The following ZBTB40 variants were observed in gnomAD, a reference collection of about 807,000 sequenced individuals.
The protein encoded by ZBTB40 is zinc finger and BTB domain containing 40.
In ZBTB40, 60 loss-of-function variants were observed where a neutral mutation model predicts 117.5. The ratio of observed to expected loss-of-function variants is 0.51; its 90% CI spans 0.41 to 0.63. ZBTB40 has a LOEUF of 0.63. Among genes scored for constraint, ZBTB40 ranks in the 30% least tolerant of loss-of-function variants. ZBTB40 has a pLI of 0.00. For synonymous variants in ZBTB40, 525 were observed against 577.1 expected, an observed-to-expected ratio of 0.91 and a Z score of 1.29; for missense variants, 1,287 against 1,498.5, an observed-to-expected ratio of 0.86 and a Z score of 2.33.
intron 13 of ZBTB40, among the ~76,000 whole-genome samples, chr1:22,518,837 C>T (rs964660369): frequency 1.3e-5 from 2 of 152,198 alleles, no homozygotes; most frequent in Admixed American, 6.5e-5. Context: ...TCCTCTTGAC[C>T]TCTTTAATGA....
chr1:22,462,434 A>G (rs1344152043), intron 1 of ZBTB40, among the ~76,000 whole-genome samples: 1 of 152,258 alleles, frequency 6.6e-6, no homozygotes, highest in Non-Finnish European at 1.5e-5. Context: ...GCTTGGCACA[A>G]TACCTGAGAT....
rs1444160434 is a variant in ZBTB40, at chr1:22,490,775, G to A, written c.697+130G>A. ...CAAAATTCAGTGCAGTACCGTACTG[G>A]GCCATTCTTTTAAAAGTGTCTGTGT... is the stretch of plus-strand genomic sequence containing the variant. On this transcript the variant is annotated intron_variant, in intron 2 of 17. Transcript: ENST00000375647. The A allele has an allele frequency of 5.7e-5, 57 of 999,546 alleles. 1 individual carries two copies. In the Admixed American group the frequency reaches 5.8e-4, roughly 10 times the overall value. 61.9% of individuals were successfully genotyped at this position (999,546 alleles called of 1,614,324 possible).
At chr1:22,500,534 A>C (rs1469094482) in intron 3 of ZBTB40, among the ~76,000 whole-genome samples, 1 of 152,246 alleles carries the variant, frequency 6.6e-6, no homozygotes, top group Non-Finnish European at 1.5e-5. Context: ...TGGAAGAAGA[A>C]CCAGTGGGAA....
At chr1:22,522,237 A>T (rs563235738) in intron 15 of ZBTB40, 140 bp from the exon 16 acceptor site, 16 of 803,610 alleles carry the variant, frequency 2.0e-5, no homozygotes, top group Admixed American at 9.3e-5. Flanking sequence ...CAAATATACC[A>T]TAGGTTATAA....
At chr1:22,458,909 T>A (rs1034264013) in intron 1 of ZBTB40, among the ~76,000 whole-genome samples, 10 of 152,210 alleles carry the variant, frequency 6.6e-5, no homozygotes, top group African/African-American at 2.2e-4. Flanking sequence ...TTTTAAACTT[T>A]AAGGATTGCT....
At chr1:22,499,112 T>A (rs1243477710) in intron 3 of ZBTB40, among the ~76,000 whole-genome samples, 1 of 152,172 alleles carries the variant, frequency 6.6e-6, no homozygotes, top group Non-Finnish European at 1.5e-5. Context: ...AAGGCTCAAC[T>A]GGGGGAGTAT....
At chr1:22,488,885 G>C (rs1638546692) in intron 1 of ZBTB40, among the ~76,000 whole-genome samples, 1 of 152,048 alleles carries the variant, frequency 6.6e-6, no homozygotes, top group South Asian at 2.1e-4. Context: ...GATGATGGCA[G>C]TTTGGACTGA....
rs1249613475 is a variant in ZBTB40 at position 22,512,019 on chromosome 1, C to T, written c.2346C>T (p.Asp782=). The change falls in exon 11 of 18, where the codon GAC becomes GAT. Residue 782 remains aspartate, a synonymous_variant. Transcript: ENST00000375647. ...SETKDSKKEL[D]KHQLEAHGAG... ...CCAAGGATTCAAAGAAAGAGCTGGACAAACATCAGCTGGAGGCCCATGGTG... is the reference window on the plus strand; with the variant it reads ...CCAAGGATTCAAAGAAAGAGCTGGATAAACATCAGCTGGAGGCCCATGGTG... 4 of 1,614,034 alleles carry T rather than the reference C, an allele frequency of 2.5e-6. No homozygotes were observed. The Admixed American group carries it at 6.7e-5, about 27-fold the overall frequency.
In ZBTB40 at chr1:22,527,023, T is replaced by G. The variant is rs1038457111; in HGVS notation, c.*627T>G. On this transcript the variant is annotated 3_prime_UTR_variant, in exon 18 of 18. Transcript: ENST00000375647. ...GACAGGTAGCCCTCATTTCCATGCC[T>G]GATAACCCCTTGTCAGTTGTCAGCT... 6.3e-6 allele frequency: 1 copy of G among 159,802 alleles called. No individual in the cohort carries two copies. The highest frequency in any genetic ancestry group is 1.4e-5 in the Non-Finnish European group (1 of 72,130). The allele number at this position is 159,802 out of a possible 1,614,324, so 9.9% of individuals were successfully genotyped here.
At chr1:22,501,033 G>A (rs550179438) in intron 3 of ZBTB40, among the ~76,000 whole-genome samples, 1 of 152,090 alleles carries the variant, frequency 6.6e-6, no homozygotes, top group Non-Finnish European at 1.5e-5. Flanking sequence ...GTATAATTAG[G>A]TAAGAAGTGC....
chr1:22,459,737 T>A (rs1055603044), intron 1 of ZBTB40, among the ~76,000 whole-genome samples: 2 of 151,466 alleles, frequency 1.3e-5, no homozygotes, highest in Admixed American at 6.5e-5. Context: ...CAAGAGGAGA[T>A]GACTTGATGG....
chr1:22,478,307 G>T (rs1641599827), intron 1 of ZBTB40, among the ~76,000 whole-genome samples: 1 of 152,098 alleles, frequency 6.6e-6, no homozygotes, highest in African/African-American at 2.4e-5. Flanking sequence ...GAGTGCAGTG[G>T]TGCCATCTTG....
At chr1:22,459,010 C>G (rs567385204) in intron 1 of ZBTB40, among the ~76,000 whole-genome samples, 1 of 152,266 alleles carries the variant, frequency 6.6e-6, no homozygotes, top group Non-Finnish European at 1.5e-5. Flanking sequence ...ACAAAGTATG[C>G]TGTTAAAGTT....
At position 22,511,278 on chromosome 1, in the gene ZBTB40, C is replaced by T; in HGVS notation, c.1933C>T (p.His645Tyr). 1 of 1,614,078 alleles carries T rather than the reference C, an allele frequency of 6.2e-7. No individual in the cohort carries two copies. The highest frequency in any genetic ancestry group is 8.5e-7 in the Non-Finnish European group (1 of 1,180,026). Residue 645 changes from histidine to tyrosine, a missense_variant, in exon 10 of 18, where the codon CAC (histidine) becomes TAC (tyrosine). Physicochemically the swap from His to Tyr is moderately conservative, Grantham distance 83. Around this residue, in one of 2 missense-constraint regions of ZBTB40, gnomAD observed 870 missense variants for 934.4 expected, o/e 0.93. Transcript: ENST00000375647. ...EKSVPAIEIC[H>Y]LLCSVHKSFP... ...ATCAGTCCCGGCCATTGAAATATGC[C>T]ACCTCCTGTGCAGTGTCCACAAATC...
intron 1 of ZBTB40, among the ~76,000 whole-genome samples, chr1:22,482,466 A>T (rs1389099847): frequency 6.6e-6 from 1 of 152,158 alleles, no homozygotes; most frequent in African/African-American, 2.4e-5. Flanking sequence ...ATTTCTTATA[A>T]TTGATGAACC....
chr1:22,515,835 G>A (rs2124464603), intron 12 of ZBTB40, among the ~76,000 whole-genome samples: 1 of 152,300 alleles, frequency 6.6e-6, no homozygotes, highest in East Asian at 1.9e-4. Flanking sequence ...GAAGGGTTTT[G>A]AGCAGAGAAT....
intron 3 of ZBTB40, among the ~76,000 whole-genome samples, chr1:22,500,606 A>G (rs1036175332): frequency 2.6e-5 from 4 of 152,256 alleles, no homozygotes; most frequent in Admixed American, 6.5e-5. Flanking sequence ...TGCTGCTGAA[A>G]TCGGAAGAGA....
chr1:22,504,911 C>T (rs1639037950), intron 5 of ZBTB40, among the ~76,000 whole-genome samples: 1 of 152,146 alleles, frequency 6.6e-6, no homozygotes, highest in African/African-American at 2.4e-5. Context: ...GCTCTGAAAT[C>T]AGTATGGTGT....
At position 22,527,812 on chromosome 1, in the gene ZBTB40, T is replaced by A. The variant is rs1446914390; in HGVS notation, c.*1416T>A. Reference sequence around the variant, plus strand: ...CCACATGGTCAGGTCTCACCCTGCTTGAAGCGCAGAAGGCACAGCCTTACT... The same window carrying A: ...CCACATGGTCAGGTCTCACCCTGCTAGAAGCGCAGAAGGCACAGCCTTACT... On this transcript the variant is annotated 3_prime_UTR_variant, in exon 18 of 18. Transcript: ENST00000375647. The A allele has an allele frequency of 6.6e-6, 1 of 152,402 alleles. No homozygotes were observed. 9.4% of individuals were successfully genotyped at this position (152,402 alleles called of 1,614,324 possible). A position where few individuals can be genotyped will look rare whatever the true frequency, so the allele number is the denominator to read the frequency against.
Sources: allele counts gnomAD v4.1 joint callset (sites outside exome capture counted in the v4.1 genomes callset), GRCh38; gene constraint gnomAD v4.1.1; regional missense constraint gnomAD v4.1.1; transcripts MANE v1.5; gene names NCBI Gene and HGNC (gene_info 2026-07-23, HGNC 2026-07-21).